C8orf34: variants seen among roughly 807,000 people sequenced by gnomAD.
C8orf34 encodes the protein uncharacterized protein C8orf34.
C8orf34 carries 65 observed loss-of-function variants against 68.3 expected under a neutral mutation model. The ratio of observed to expected loss-of-function variants is 0.95; its 90% CI spans 0.78 to 1.17. The LOEUF (loss-of-function observed/expected upper bound fraction) is 1.17. C8orf34 is among the 50% of genes most tolerant of loss of function. C8orf34 has a pLI of 0.00. For missense variants in C8orf34, 664 were observed against 655.4 expected, an observed-to-expected ratio of 1.01 and a Z score of -0.14; for synonymous variants, 244 against 241.2, an observed-to-expected ratio of 1.01 and a Z score of -0.11.
intron 12 of C8orf34, among the ~76,000 whole-genome samples, chr8:68,808,378 G>A (rs533956850): frequency 9.9e-5 from 15 of 151,964 alleles, no homozygotes; most frequent in African/African-American, 3.4e-4. Flanking sequence ...CTTTCTAATG[G>A]TTTTTATTTT....
At chr8:68,373,958 C>G (rs980559230) in intron 1 of C8orf34, among the ~76,000 whole-genome samples, 1 of 152,084 alleles carries the variant, frequency 6.6e-6, no homozygotes, top group Non-Finnish European at 1.5e-5. Context: ...ATCTGTTGCC[C>G]AGGCTAAAGC....
chr8:68,672,390 C>T (rs1369857994), intron 8 of C8orf34, among the ~76,000 whole-genome samples: 1 of 152,190 alleles, frequency 6.6e-6, no homozygotes, highest in Non-Finnish European at 1.5e-5. Context: ...TCTTCAATTG[C>T]CAAGGCCACC....
intron 1 of C8orf34, among the ~76,000 whole-genome samples, chr8:68,414,778 G>A (rs1809594544): frequency 6.6e-6 from 1 of 152,090 alleles, no homozygotes; most frequent in Non-Finnish European, 1.5e-5. Context: ...TGTTTTATTA[G>A]GTGTGGTTCC....
chr8:68,331,784 T>TTTTTTTTC (rs1805614561), intron 1 of C8orf34, among the ~76,000 whole-genome samples: 4 of 25,420 alleles, frequency 1.6e-4, no homozygotes, highest in African/African-American at 3.2e-4. Context: ...TCTTTCCTTC[T>TTTTTTTTC]TTTTTTTTTT....
At chr8:68,387,181 AC>A (rs1808297722) in intron 1 of C8orf34, among the ~76,000 whole-genome samples, 2 of 152,020 alleles carry the variant, frequency 1.3e-5, no homozygotes, top group African/African-American at 4.8e-5. Flanking sequence ...ACATGGACCG[AC>A]TTCAGTGTCA....
At chr8:68,614,270 C>T (rs1818122577) in intron 7 of C8orf34, among the ~76,000 whole-genome samples, 1 of 152,026 alleles carries the variant, frequency 6.6e-6, no homozygotes, top group African/African-American at 2.4e-5. Flanking sequence ...GTTTCTTTTG[C>T]TGTGCAGAAG....
At chr8:68,514,735 T>C (rs911420262) in intron 5 of C8orf34, among the ~76,000 whole-genome samples, 1 of 152,220 alleles carries the variant, frequency 6.6e-6, no homozygotes, top group Non-Finnish European at 1.5e-5. Context: ...GCTACCTGGC[T>C]TTTGTGACTG....
intron 3 of C8orf34, among the ~76,000 whole-genome samples, chr8:68,449,239 C>T (rs1013685577): frequency 6.6e-6 from 1 of 152,078 alleles, no homozygotes; most frequent in African/African-American, 2.4e-5. Flanking sequence ...TAGAGATGTT[C>T]CAGTTACTAT....
At chr8:68,336,972 T>A (rs1585937458) in intron 1 of C8orf34, among the ~76,000 whole-genome samples, 1 of 152,188 alleles carries the variant, frequency 6.6e-6, no homozygotes, top group Non-Finnish European at 1.5e-5. Context: ...TCTAATGGAA[T>A]GTGGAATGTG....
chr8:68,623,952 C>A (rs1290063888), intron 7 of C8orf34, among the ~76,000 whole-genome samples: 1 of 152,100 alleles, frequency 6.6e-6, no homozygotes, highest in Non-Finnish European at 1.5e-5. Context: ...ACAGTAGACA[C>A]TCAACAAATG....
chr8:68,367,854 C>G (rs1228782408), intron 1 of C8orf34, among the ~76,000 whole-genome samples: 10 of 111,342 alleles, frequency 9.0e-5, no homozygotes, highest in African/African-American at 3.5e-4. Context: ...ACATATGTAA[C>G]TAACCTGCAC....
intron 7 of C8orf34, among the ~76,000 whole-genome samples, chr8:68,624,150 T>A (rs1818467010): frequency 6.6e-6 from 1 of 151,542 alleles, no homozygotes; most frequent in South Asian, 2.1e-4. Flanking sequence ...TGCACGCCTG[T>A]AATCCCAGCT....
intron 7 of C8orf34, among the ~76,000 whole-genome samples, chr8:68,566,296 C>T (rs1383978047): frequency 1.3e-5 from 2 of 152,140 alleles, no homozygotes; most frequent in Non-Finnish European, 2.9e-5. Context: ...GTCTTTTCTG[C>T]TCCTCTCCCA....
At chr8:68,486,543 T>C (rs1236424451) in intron 4 of C8orf34, among the ~76,000 whole-genome samples, 1 of 152,180 alleles carries the variant, frequency 6.6e-6, no homozygotes, top group Non-Finnish European at 1.5e-5. Flanking sequence ...CCTGTGTTTC[T>C]AGTGTCATCT....
intron 7 of C8orf34, among the ~76,000 whole-genome samples, chr8:68,552,788 A>AT (rs1395863960): frequency 2.6e-5 from 4 of 151,846 alleles, no homozygotes; most frequent in Non-Finnish European, 5.9e-5. Context: ...AAGATGTTGG[A>AT]TTTTTGTCAA....
intron 10 of C8orf34, among the ~76,000 whole-genome samples, chr8:68,728,761 A>T (rs987994153): frequency 6.6e-6 from 1 of 152,198 alleles, no homozygotes. Context: ...TGAGAGATAC[A>T]ATTCAAGTTG....
intron 8 of C8orf34, among the ~76,000 whole-genome samples, chr8:68,699,565 G>C (rs891481591): frequency 1.3e-5 from 2 of 151,996 alleles, no homozygotes; most frequent in African/African-American, 2.4e-5. Flanking sequence ...CCCACATTCT[G>C]GTCATATCTG....
At chr8:68,586,057 A>C (rs2130388567) in intron 7 of C8orf34, among the ~76,000 whole-genome samples, 1 of 152,270 alleles carries the variant, frequency 6.6e-6, no homozygotes, top group African/African-American at 2.4e-5. Flanking sequence ...GTATAATAGT[A>C]AGAACTGAGG....
intron 8 of C8orf34, among the ~76,000 whole-genome samples, chr8:68,660,247 C>A (rs1344004353): frequency 6.6e-6 from 1 of 152,136 alleles, no homozygotes; most frequent in East Asian, 1.9e-4. Flanking sequence ...TATTGTTACC[C>A]ACCTAGAAAG....
Sources: allele counts gnomAD v4.1 joint callset (sites outside exome capture counted in the v4.1 genomes callset), GRCh38; gene constraint gnomAD v4.1.1; transcripts MANE v1.5; gene names NCBI Gene and HGNC (gene_info 2026-07-23, HGNC 2026-07-21).